Variants in CACNA1A observed in about 807,000 individuals in gnomAD.
The protein encoded by CACNA1A is calcium voltage-gated channel subunit alpha1 A, also known as voltage-dependent P/Q-type calcium channel subunit alpha-1A.
Under a neutral mutation model 262.4 loss-of-function variants are expected in CACNA1A, and 57 were observed. The observed-to-expected ratio is 0.22, with a 90% CI of 0.18 to 0.27. The LOEUF (loss-of-function observed/expected upper bound fraction) is 0.27, where lower values mean the gene tolerates loss of function less well. Ranked by LOEUF, CACNA1A falls within the 10% of genes least tolerant of loss-of-function variation. CACNA1A has a pLI of 1.00. For missense variants in CACNA1A, 2,526 were observed against 3,562.8 expected, an observed-to-expected ratio of 0.71 and a Z score of 7.41; for synonymous variants, 1,431 against 1,419.3, an observed-to-expected ratio of 1.01 and a Z score of -0.18.
chr19:13,381,344 A>C (rs1238696736), intron 3 of CACNA1A, among the ~76,000 whole-genome samples: 1 of 148,388 alleles, frequency 6.7e-6, no homozygotes, highest in South Asian at 2.1e-4. Flanking sequence ...GGCTGCAGTG[A>C]GCTGTGATCG....
intron 28 of CACNA1A, 65 bp downstream of exon 28, chr19:13,257,285 G>T: frequency 7.5e-7 from 1 of 1,339,274 alleles, no homozygotes; most frequent in Non-Finnish European, 1.1e-6. Flanking sequence ...CCTGGGTGTT[G>T]TGTGTGTTTT....
intron 10 of CACNA1A, among the ~76,000 whole-genome samples, chr19:13,326,889 T>C (rs1194511846): frequency 6.7e-6 from 1 of 150,114 alleles, no homozygotes; most frequent in Non-Finnish European, 1.5e-5. Flanking sequence ...CATTACTGTA[T>C]TATTACTTTT....
rs766555328 is a variant in CACNA1A at position 13,227,546 on chromosome 19, A to C, written c.5529-19T>G. 6.7e-7 allele frequency: 1 copy of C among 1,491,420 alleles called. No individual in the cohort carries two copies. Among genetic ancestry groups the C allele is most frequent in the South Asian group, 1.2e-5 (1 of 80,846 alleles). The allele number at this position is 1,491,420 out of a possible 1,614,324, so 92.4% of individuals were successfully genotyped here. A position where few individuals can be genotyped will look rare whatever the true frequency, so the allele number is the denominator to read the frequency against. ...GCGGCCCCTGGCAGCACCGAAAATG[A>C]AAAAAACAAAAACAAAAACAAAAAA... On this transcript the variant is annotated intron_variant, in intron 36 of 46. Transcript: ENST00000360228.
intron 1 of CACNA1A, among the ~76,000 whole-genome samples, chr19:13,496,132 C>A (rs1440903669): frequency 6.6e-6 from 1 of 152,164 alleles, no homozygotes; most frequent in Non-Finnish European, 1.5e-5. Context: ...CCTCCATCCC[C>A]TCTAAACCAC....
At chr19:13,482,742 G>A (rs1328626262) in intron 1 of CACNA1A, among the ~76,000 whole-genome samples, 1 of 152,002 alleles carries the variant, frequency 6.6e-6, no homozygotes, top group Non-Finnish European at 1.5e-5. Context: ...GGGCTCACTG[G>A]GCTCCCAGCC....
At chr19:13,469,460 C>CTTTTTTTTTT (rs1164678494) in intron 1 of CACNA1A, among the ~76,000 whole-genome samples, 1 of 62,232 alleles carries the variant, frequency 1.6e-5, no homozygotes, top group Non-Finnish European at 3.0e-5. Flanking sequence ...TGAACCACCT[C>CTTTTTTTTTT]TTTTTTTTTT....
intron 32 of CACNA1A, 34 bp from the exon 33 acceptor site, chr19:13,235,308 G>A: frequency 1.9e-6 from 3 of 1,550,118 alleles, no homozygotes; most frequent in Non-Finnish European, 2.6e-6. Flanking sequence ...GAAGAGTGCT[G>A]GGGGTCCCTC....
intron 27 of CACNA1A, chr19:13,258,955 TA>T (rs1373627050): frequency 1.3e-5 from 2 of 151,750 alleles, no homozygotes; most frequent in South Asian, 2.1e-4. Context: ...TTTTCAGGGA[TA>T]GGGGTCTCCT....
At chr19:13,222,063 C>T (rs1184960215) in intron 38 of CACNA1A, among the ~76,000 whole-genome samples, 3 of 152,038 alleles carry the variant, frequency 2.0e-5, no homozygotes, top group Admixed American at 6.6e-5. Flanking sequence ...CCCGCCACCA[C>T]ACCTGGCTAA....
intron 1 of CACNA1A, among the ~76,000 whole-genome samples, chr19:13,486,678 T>C (rs1980037505): frequency 1.1e-5 from 1 of 90,584 alleles, no homozygotes. Context: ...AGCAATATTC[T>C]CTCTCTTCTT....
At chr19:13,329,644 C>T (rs7254983) in intron 10 of CACNA1A, among the ~76,000 whole-genome samples, 36,910 of 151,238 alleles carry the variant, frequency 0.24, 5,548 homozygotes, top group African/African-American at 0.43. Context: ...TAATTTTTTT[C>T]GTATTTTTAG....
chr19:13,471,192 A>G (rs1170982833), intron 1 of CACNA1A, among the ~76,000 whole-genome samples: 1 of 152,128 alleles, frequency 6.6e-6, no homozygotes, highest in Non-Finnish European at 1.5e-5. Context: ...ACCTCATCTC[A>G]ATCCCTGACT....
chr19:13,259,492 T>G, intron 27 of CACNA1A, 72 bp downstream of exon 27: 1 of 1,465,804 alleles, frequency 6.8e-7, no homozygotes, highest in Non-Finnish European at 9.2e-7. Flanking sequence ...TTCTTATTGC[T>G]AAGCTCTCAG....
chr19:13,468,747 G>A (rs550297831), intron 1 of CACNA1A, among the ~76,000 whole-genome samples: 85 of 152,154 alleles, frequency 5.6e-4, no homozygotes, highest in African/African-American at 1.9e-3. Flanking sequence ...AGATCGTGCC[G>A]CTGCACTCCA....
In CACNA1A at chr19:13,431,026, G is replaced by C. The variant is rs114561867; in HGVS notation, c.539+21850C>G. Among the ~76,000 whole-genome samples the C allele has an allele frequency of 4.8e-3, 728 of 152,108 alleles. 4 individuals are homozygous for C. The highest frequency in any genetic ancestry group is 0.017 in the African/African-American group (705 of 41,466). On this transcript the variant is annotated intron_variant, in intron 3 of 46. Coordinates refer to ENST00000360228, the MANE Select transcript of CACNA1A (RefSeq NM_001127222.2). Reference sequence around the variant, plus strand: ...GCAGGGAACTTGTGTAGCTGAAGCCGAGTGAGTGGAGAGGAGAGTGGGAAT... The same window carrying C: ...GCAGGGAACTTGTGTAGCTGAAGCCCAGTGAGTGGAGAGGAGAGTGGGAAT...
At chr19:13,390,046 C>T (rs1433802175) in intron 3 of CACNA1A, among the ~76,000 whole-genome samples, 1 of 151,750 alleles carries the variant, frequency 6.6e-6, no homozygotes, top group Non-Finnish European at 1.5e-5. Flanking sequence ...ATCTCCTGAC[C>T]TCACAATCTG....
At chr19:13,477,799 G>C (rs888308490) in intron 1 of CACNA1A, among the ~76,000 whole-genome samples, 3 of 152,182 alleles carry the variant, frequency 2.0e-5, no homozygotes, top group African/African-American at 7.2e-5. Flanking sequence ...CTTCAACTAT[G>C]ATCTGAATGT....
chr19:13,377,372 CA>C lies in CACNA1A; in HGVS notation c.540-5594del, dbSNP rs111859115. On this transcript the variant is annotated intron_variant, in intron 3 of 46. Transcript: ENST00000360228. ...GTTGTTTTTATGACTTCTAACACAA[CA>C]TTTTTTTTTTTTTTTGAGACAGAGT... 9.5e-3 allele frequency among the ~76,000 whole-genome samples: 1,413 copies of C among 149,478 alleles called. 22 individuals carry two copies. Among genetic ancestry groups the C allele is most frequent in the African/African-American group, 0.033 (1,313 of 39,646 alleles).
intron 11 of CACNA1A, among the ~76,000 whole-genome samples, chr19:13,313,520 A>AT (rs1328298763): frequency 6.6e-6 from 1 of 150,968 alleles, no homozygotes; most frequent in Non-Finnish European, 1.5e-5. Context: ...AAAAAAAAAA[A>AT]AGCAACAATT....
Sources: allele counts gnomAD v4.1 joint callset (sites outside exome capture counted in the v4.1 genomes callset), GRCh38; gene constraint gnomAD v4.1.1; transcripts MANE v1.5; gene names NCBI Gene and HGNC (gene_info 2026-07-23, HGNC 2026-07-21).